The following DIAPH1 variants were observed in gnomAD, a reference collection of about 807,000 sequenced individuals.
DIAPH1 encodes the protein protein diaphanous homolog 1.
In DIAPH1, 46 loss-of-function variants were observed where a neutral mutation model predicts 140.7. The ratio of observed to expected loss-of-function variants is 0.33; its 90% CI spans 0.26 to 0.42. The LOEUF (loss-of-function observed/expected upper bound fraction) is 0.42, where lower values mean the gene tolerates loss of function less well. Among genes scored for constraint, DIAPH1 ranks in the 10% least tolerant of loss-of-function variants. The pLI, the probability that DIAPH1 is intolerant of heterozygous loss-of-function variation, is 1.00. For missense variants in DIAPH1, 1,310 were observed against 1,558.7 expected (o/e 0.84, Z 2.69); for synonymous variants, 565 against 551.6 (o/e 1.02, Z -0.34).
intron 27 of DIAPH1, among the ~76,000 whole-genome samples, chr5:141,521,593 A>C (rs760577592): frequency 2.0e-4 from 31 of 152,164 alleles, no homozygotes; most frequent in Admixed American, 1.6e-3. Context: ...CATTCCTTTA[A>C]ATTCTAGGGA....
At position 141,533,181 on chromosome 5, in the gene DIAPH1, C is replaced by T. The variant is rs148274847; in HGVS notation, c.2581+1154G>A. Among the ~76,000 whole-genome samples, 48 of 152,244 alleles carry T rather than the reference C, an allele frequency of 3.2e-4. No homozygotes were observed. The East Asian group carries it at 6.0e-3, about 19-fold the overall frequency. On this transcript the variant is annotated intron_variant, in intron 19 of 27. Transcript: ENST00000389054. ...ATCACAAGACTATGAGTGGGTTTTACGGAAAATACCCTTTCATCTCTGGAA... is the reference window on the plus strand; with the variant it reads ...ATCACAAGACTATGAGTGGGTTTTATGGAAAATACCCTTTCATCTCTGGAA...
At chr5:141,598,269 G>A (rs2099899619) in intron 1 of DIAPH1, among the ~76,000 whole-genome samples, 1 of 151,680 alleles carries the variant, frequency 6.6e-6, no homozygotes, top group South Asian at 2.1e-4. Context: ...ATTTTTAAAG[G>A]GGCAGAAAAA....
chr5:141,517,001 C>T lies in DIAPH1; in HGVS notation c.3669G>A (p.Arg1223=), dbSNP rs1212895744. 6.2e-7 allele frequency: 1 copy of T among 1,614,210 alleles called. No individual in the cohort carries two copies. The highest frequency in any genetic ancestry group is 1.7e-5 in the Admixed American group (1 of 60,030). The change falls in exon 28 of 28, where the codon AGG becomes AGA. Residue 1223 remains arginine, a synonymous_variant. Coordinates refer to ENST00000389054, the MANE Select transcript of DIAPH1 (RefSeq NM_005219.5). The part of the protein sequence containing the change: ...RRKRGPRQAN[R]KAGCAVTSLL... ...GAGATGTGACTGCACACCCGGCCTT[C>T]CTGTTGGCTGCAAGAGAAGACGAGA...
At chr5:141,601,357 T>C (rs1024925002) in intron 1 of DIAPH1, among the ~76,000 whole-genome samples, 3 of 152,014 alleles carry the variant, frequency 2.0e-5, no homozygotes, top group Admixed American at 1.3e-4. Flanking sequence ...GGTGTGATCT[T>C]GGCTCACTGC....
intron 1 of DIAPH1, 50 bp from the exon 2 acceptor site, chr5:141,588,300 T>C (rs2099897851): frequency 1.4e-6 from 2 of 1,454,276 alleles, no homozygotes; most frequent in Non-Finnish European, 1.9e-6. Flanking sequence ...ATCAGTGAAG[T>C]ACAAGGAAAC....
At position 141,618,762 on chromosome 5, in the gene DIAPH1, G is replaced by C. The variant is rs753549761; in HGVS notation, c.117+36C>G. 4.5e-5 allele frequency: 66 copies of C among 1,470,494 alleles called. No individual in the cohort carries two copies. Among genetic ancestry groups the C allele is most frequent in the Middle Eastern group, 3.6e-4 (2 of 5,620 alleles). The allele number at this position is 1,470,494 out of a possible 1,614,324, so 91.1% of individuals were successfully genotyped here. ...CTGCAGGGGTCCAGAGGGCGGTTAC[G>C]GGGCCAGGCAGGAGCGGGATGGGAG... is the stretch of plus-strand genomic sequence containing the variant. On this transcript the variant is annotated intron_variant, in intron 1 of 27. Coordinates refer to ENST00000389054, the MANE Select transcript of DIAPH1 (RefSeq NM_005219.5).
chr5:141,548,860 G>A (rs921899877), intron 18 of DIAPH1, among the ~76,000 whole-genome samples: 4 of 152,062 alleles, frequency 2.6e-5, no homozygotes, highest in East Asian at 1.9e-4. Flanking sequence ...TATCTAGAGG[G>A]TAGTAAAATT....
At chr5:141,529,734 G>T (rs772440263) in intron 19 of DIAPH1, 37 bp from the exon 20 acceptor site, 1 of 1,575,024 alleles carries the variant, frequency 6.3e-7, no homozygotes, top group Non-Finnish European at 8.7e-7. Context: ...TGTTCTTCTC[G>T]GTCTGTTCCC....
At chr5:141,529,148 C>T in intron 21 of DIAPH1, 24 bp downstream of exon 21, 1 of 1,607,556 alleles carries the variant, frequency 6.2e-7, no homozygotes, top group South Asian at 1.1e-5. Context: ...TGGAAAACCG[C>T]TTACTGCCAC....
At chr5:141,613,584 T>C (rs1205554919) in intron 1 of DIAPH1, among the ~76,000 whole-genome samples, 4 of 152,198 alleles carry the variant, frequency 2.6e-5, no homozygotes, top group Non-Finnish European at 5.9e-5. Context: ...CCCTTCCAAC[T>C]CTGAAGTTTT....
intron 1 of DIAPH1, among the ~76,000 whole-genome samples, chr5:141,608,559 T>A (rs1447411531): frequency 6.6e-6 from 1 of 152,234 alleles, no homozygotes; most frequent in Non-Finnish European, 1.5e-5. Flanking sequence ...GACAGTCTCA[T>A]GACTTCTTGG....
intron 1 of DIAPH1, among the ~76,000 whole-genome samples, chr5:141,609,683 C>A (rs747552144): frequency 1.3e-4 from 20 of 152,184 alleles, no homozygotes; most frequent in Non-Finnish European, 2.5e-4. Flanking sequence ...TTGTTATTCC[C>A]TATCCTAGTC....
At chr5:141,559,950 C>CA (rs1446286678) in intron 18 of DIAPH1, among the ~76,000 whole-genome samples, 4 of 152,200 alleles carry the variant, frequency 2.6e-5, no homozygotes, top group Non-Finnish European at 5.9e-5. Context: ...TCAGTTTCAA[C>CA]AGTTATCCAC....
At chr5:141,555,464 C>A (rs1356157221) in intron 18 of DIAPH1, among the ~76,000 whole-genome samples, 3 of 152,170 alleles carry the variant, frequency 2.0e-5, no homozygotes. Context: ...CCTTCCCAGC[C>A]TTCTTACAGG....
chr5:141,529,947 G>C lies in DIAPH1; in HGVS notation c.2582-250C>G, dbSNP rs574115557. On this transcript the variant is annotated intron_variant, in intron 19 of 27. Coordinates refer to ENST00000389054, the MANE Select transcript of DIAPH1 (RefSeq NM_005219.5). ...AAAAATACAAAAACTAGCCAGGCGT[G>C]GTGGTGTGCACCTGTAGTCCCAGCT... is the stretch of plus-strand genomic sequence containing the variant. Among the ~76,000 whole-genome samples, 7 of 152,234 alleles carry C rather than the reference G, an allele frequency of 4.6e-5. No individual in the cohort carries two copies. The South Asian group carries it at 1.5e-3, about 32-fold the overall frequency.
chr5:141,595,061 G>GA (rs1331269958), intron 1 of DIAPH1, among the ~76,000 whole-genome samples: 1 of 148,526 alleles, frequency 6.7e-6, no homozygotes, highest in Non-Finnish European at 1.5e-5. Flanking sequence ...AAAAAAGAAA[G>GA]AAAAAAGGAA....
At chr5:141,541,591 A>G (rs913930159) in intron 18 of DIAPH1, among the ~76,000 whole-genome samples, 1 of 151,914 alleles carries the variant, frequency 6.6e-6, no homozygotes, top group Admixed American at 6.6e-5. Flanking sequence ...AGGCTGAGGC[A>G]TAAGAATCGC....
At chr5:141,543,864 A>T (rs1050205964) in intron 18 of DIAPH1, among the ~76,000 whole-genome samples, 1 of 152,240 alleles carries the variant, frequency 6.6e-6, no homozygotes, top group African/African-American at 2.4e-5. Context: ...CAATCAATAG[A>T]TAAATGTATA....
At chr5:141,576,510 G>A (rs1197513399) in intron 13 of DIAPH1, among the ~76,000 whole-genome samples, 2 of 152,194 alleles carry the variant, frequency 1.3e-5, no homozygotes, top group Admixed American at 6.5e-5. Context: ...ATGCCTATGA[G>A]TGATATTTTT....
Sources: gnomAD v4.1 joint callset for allele counts (sites outside exome capture counted in the v4.1 genomes callset) on GRCh38, gnomAD v4.1.1 for gene constraint, MANE v1.5 for transcripts, NCBI Gene and HGNC (gene_info 2026-07-23, HGNC 2026-07-21) for gene names.